Variants in KAZN observed in about 807,000 individuals in gnomAD.
KAZN encodes the protein kazrin, periplakin interacting protein.
In KAZN, 40 loss-of-function variants were observed where a neutral mutation model predicts 87.4. The ratio of observed to expected loss-of-function variants is 0.46; its 90% CI spans 0.36 to 0.60. KAZN has a LOEUF of 0.60. KAZN is among the 20% of genes least tolerant of loss of function. KAZN has a pLI of 0.00. For synonymous variants in KAZN, 466 were observed against 458.3 expected (o/e 1.02, Z -0.22); for missense variants, 898 against 1,073.9 (o/e 0.84, Z 2.29).
intron 2 of KAZN, among the ~76,000 whole-genome samples, chr1:14,447,228 T>G (rs750521792): frequency 3.4e-5 from 5 of 146,018 alleles, no homozygotes; most frequent in Non-Finnish European, 7.5e-5. Flanking sequence ...ATTATTATTA[T>G]TATTATTATT....
intron 2 of KAZN, among the ~76,000 whole-genome samples, chr1:14,229,871 T>G (rs1359390020): frequency 6.6e-6 from 1 of 152,266 alleles, no homozygotes; most frequent in Non-Finnish European, 1.5e-5. Context: ...GCCCTGTGGC[T>G]CATTTGGTCC....
At chr1:15,039,298 G>A (rs1239483781) in intron 3 of KAZN, among the ~76,000 whole-genome samples, 2 of 152,194 alleles carry the variant, frequency 1.3e-5, no homozygotes, top group African/African-American at 2.4e-5. Flanking sequence ...ATTATGGAAA[G>A]GGGTAGAGGC....
intron 1 of KAZN, among the ~76,000 whole-genome samples, chr1:14,766,465 G>T (rs61772269): frequency 6.6e-6 from 1 of 151,864 alleles, no homozygotes; most frequent in Non-Finnish European, 1.5e-5. Flanking sequence ...AAGAGATGCC[G>T]GCTGGCACAC....
intron 1 of KAZN, among the ~76,000 whole-genome samples, chr1:14,835,466 A>G (rs1431837455): frequency 6.6e-6 from 1 of 152,122 alleles, no homozygotes; most frequent in Non-Finnish European, 1.5e-5. Flanking sequence ...TCTCTCCTGG[A>G]GCCTGATTGG....
chr1:14,616,167 A>G (rs1189264806), intron 1 of KAZN, among the ~76,000 whole-genome samples: 1 of 152,160 alleles, frequency 6.6e-6, no homozygotes, highest in Middle Eastern at 3.2e-3. Context: ...GAGGCTGGAG[A>G]GCGCAAGTGA....
In KAZN at chr1:15,057,090, C is replaced by T. The variant is rs919839887; in HGVS notation, c.916+810C>T. 2.6e-5 allele frequency among the ~76,000 whole-genome samples: 4 copies of T among 152,354 alleles called. No individual in the cohort carries two copies. The East Asian group carries it at 5.8e-4, about 22-fold the overall frequency. On this transcript the variant is annotated intron_variant, in intron 5 of 14. Transcript: ENST00000376030. ...CAGACACAGCCCTGACCTACAAGGG[C>T]CTGGCAGGCTGATCAGGGAGATGCC...
intron 2 of KAZN, among the ~76,000 whole-genome samples, chr1:14,535,609 T>G (rs1191186585): frequency 6.6e-6 from 1 of 151,398 alleles, no homozygotes; most frequent in East Asian, 1.9e-4. Flanking sequence ...GGGGTTGCAG[T>G]AAGCCAAGAT....
At chr1:14,822,159 C>A (rs1028859631) in intron 1 of KAZN, among the ~76,000 whole-genome samples, 13 of 152,248 alleles carry the variant, frequency 8.5e-5, no homozygotes, top group African/African-American at 3.1e-4. Context: ...CCCAGGAAAA[C>A]AAAGCTTTCG....
chr1:14,682,821 A>G (rs2148766030), intron 1 of KAZN, among the ~76,000 whole-genome samples: 1 of 152,254 alleles, frequency 6.6e-6, no homozygotes, highest in East Asian at 1.9e-4. Context: ...AAGTCCACAC[A>G]AGGTAGATGC....
intron 2 of KAZN, among the ~76,000 whole-genome samples, chr1:14,250,360 A>G: frequency 6.6e-6 from 1 of 151,788 alleles, no homozygotes; most frequent in East Asian, 2.0e-4. Context: ...GTTGAATCTC[A>G]CCATCAACTT....
intron 2 of KAZN, among the ~76,000 whole-genome samples, chr1:14,338,062 G>GTCTGA (rs1296598319): frequency 1.2e-4 from 18 of 152,038 alleles, no homozygotes; most frequent in African/African-American, 4.3e-4. Context: ...GGTGAGAATG[G>GTCTGA]ACCCCTTCCC....
At chr1:14,677,516 T>A (rs1469037926) in intron 1 of KAZN, among the ~76,000 whole-genome samples, 1 of 151,942 alleles carries the variant, frequency 6.6e-6, no homozygotes, top group Non-Finnish European at 1.5e-5. Context: ...CTCCAAGAAT[T>A]CTGAGAGGTG....
At chr1:14,900,695 A>G (rs1339626352) in intron 1 of KAZN, among the ~76,000 whole-genome samples, 1 of 150,698 alleles carries the variant, frequency 6.6e-6, no homozygotes. Context: ...CAGAGGTTGC[A>G]GTGAGCCGAG....
intron 1 of KAZN, among the ~76,000 whole-genome samples, chr1:14,068,472 A>T (rs916510307): frequency 1.3e-5 from 2 of 152,172 alleles, no homozygotes; most frequent in African/African-American, 2.4e-5. Context: ...AAAGAGTTTA[A>T]AAAAAGTCTG....
chr1:13,991,733 G>A (rs546920607), intron 1 of KAZN, among the ~76,000 whole-genome samples: 1 of 152,192 alleles, frequency 6.6e-6, no homozygotes, highest in South Asian at 2.1e-4. Context: ...TGACCATTAG[G>A]TAGAGCATTT....
chr1:14,506,205 T>C (rs10927450), intron 2 of KAZN, among the ~76,000 whole-genome samples: 25,461 of 152,156 alleles, frequency 0.17, 2,440 homozygotes, highest in Non-Finnish European at 0.22. Flanking sequence ...TGCCACACAG[T>C]GGGTTATTCT....
At chr1:13,996,130 C>T (rs918117222) in intron 1 of KAZN, among the ~76,000 whole-genome samples, 18 of 152,192 alleles carry the variant, frequency 1.2e-4, no homozygotes, top group African/African-American at 4.3e-4. Flanking sequence ...CCCTCAACCC[C>T]CAGCCAAGGG....
chr1:14,951,643 A>AT (rs111300565), intron 1 of KAZN, among the ~76,000 whole-genome samples: 9,737 of 151,292 alleles, frequency 0.064, 988 homozygotes, highest in African/African-American at 0.21. Flanking sequence ...CACCTGACTA[A>AT]TTTTTTGTAT....
intron 1 of KAZN, among the ~76,000 whole-genome samples, chr1:14,070,636 T>C (rs923083472): frequency 1.3e-5 from 2 of 152,220 alleles, no homozygotes; most frequent in Non-Finnish European, 2.9e-5. Context: ...TCTTAAAGAA[T>C]TGGGAACTTA....
Sources: gnomAD v4.1 joint callset for allele counts (sites outside exome capture counted in the v4.1 genomes callset) on GRCh38, gnomAD v4.1.1 for gene constraint, MANE v1.5 for transcripts, NCBI Gene and HGNC (gene_info 2026-07-23, HGNC 2026-07-21) for gene names.